The following MMD2 variants were observed in gnomAD, a reference collection of about 807,000 sequenced individuals.
The protein encoded by MMD2 is monocyte to macrophage differentiation associated 2, also known as monocyte to macrophage differentiation factor 2.
Under a neutral mutation model 33.5 loss-of-function variants are expected in MMD2, and 30 were observed. That is an observed-to-expected ratio of 0.90 (90% CI 0.67 to 1.22). The LOEUF (loss-of-function observed/expected upper bound fraction) is 1.22, where lower values mean the gene tolerates loss of function less well. MMD2 is among the 50% of genes most tolerant of loss of function. The probability of loss-of-function intolerance (pLI) is 0.00; values close to 1 mark genes in which losing one functional copy is unlikely to be tolerated. For missense variants in MMD2, 364 were observed against 325.4 expected, an observed-to-expected ratio of 1.12 and a Z score of -0.91; for synonymous variants, 129 against 123.0, an observed-to-expected ratio of 1.05 and a Z score of -0.32.
Position 4,909,878 on chromosome 7 carries a change from TACC to T in MMD2, c.537_537+2del, listed in dbSNP as rs1562475433. ...TCATCTATGCAGGGCTGGCAGCACT[TACC>T]ATGGAGAGGATGACCAGGGCGGGGA... On this transcript the variant is annotated splice_donor_variant and coding_sequence_variant, in exon 6 of 7. Coordinates refer to ENST00000401401, the MANE Select transcript of MMD2 (RefSeq NM_198403.4). LOFTEE classifies it high-confidence loss of function. The T allele has an allele frequency of 1.2e-6, 2 of 1,611,416 alleles. No individual in the cohort carries two copies. The highest frequency in any genetic ancestry group is 2.7e-5 in the African/African-American group (2 of 74,964).
intron 1 of MMD2, among the ~76,000 whole-genome samples, chr7:4,950,287 G>A (rs1786205993): frequency 6.6e-6 from 1 of 151,964 alleles, no homozygotes; most frequent in Non-Finnish European, 1.5e-5. Context: ...TAGTAGAGAT[G>A]GGGTTTCTCC....
chr7:4,949,280 A>G (rs1221853741), intron 1 of MMD2, among the ~76,000 whole-genome samples: 1 of 151,960 alleles, frequency 6.6e-6, no homozygotes. Context: ...TCTTATTCAT[A>G]CTAACTATTT....
chr7:4,926,771 G>A (rs1785439506), intron 1 of MMD2, among the ~76,000 whole-genome samples: 1 of 151,712 alleles, frequency 6.6e-6, no homozygotes, highest in Non-Finnish European at 1.5e-5. Context: ...TTGAGACGGA[G>A]TCGTGCTCTG....
chr7:4,927,338 A>G (rs1276956565), intron 1 of MMD2, among the ~76,000 whole-genome samples: 6 of 152,024 alleles, frequency 3.9e-5, no homozygotes, highest in Admixed American at 3.9e-4. Flanking sequence ...TTAGGCCAGG[A>G]GTTCGAGACC....
At chr7:4,931,538 G>C (rs372957824) in intron 1 of MMD2, among the ~76,000 whole-genome samples, 111 of 152,058 alleles carry the variant, frequency 7.3e-4, no homozygotes, top group African/African-American at 2.4e-3. Context: ...CTGCAAGCTT[G>C]AACTCCTGGG....
At chr7:4,941,064 G>C (rs892733179) in intron 1 of MMD2, among the ~76,000 whole-genome samples, 97 of 152,294 alleles carry the variant, frequency 6.4e-4, no homozygotes, top group African/African-American at 2.1e-3. Context: ...GCTGTGAGTG[G>C]GGTTAGGAGG....
At chr7:4,911,410 A>C (rs1241736955) in intron 4 of MMD2, among the ~76,000 whole-genome samples, 164 bp from the exon 5 acceptor site, 2 of 152,182 alleles carry the variant, frequency 1.3e-5, no homozygotes, top group African/African-American at 4.8e-5. Context: ...AACAGGCAGA[A>C]AGGGTGCTAG....
intron 6 of MMD2, 32 bp downstream of exon 6, chr7:4,909,849 G>T: frequency 6.3e-7 from 1 of 1,593,176 alleles, no homozygotes; most frequent in Non-Finnish European, 8.5e-7. Context: ...TCTCTTGCAG[G>T]GACTCATCTA....
At chr7:4,945,459 G>C (rs1056557792) in intron 1 of MMD2, among the ~76,000 whole-genome samples, 3 of 151,224 alleles carry the variant, frequency 2.0e-5, no homozygotes, top group African/African-American at 4.9e-5. Flanking sequence ...GTAGCGACGG[G>C]GTTTCACCAT....
the MMD2 span, among the ~76,000 whole-genome samples, chr7:4,892,617 A>AATAAATAAATAAATAAATCT: frequency 6.8e-4 from 101 of 149,254 alleles, no homozygotes; most frequent in African/African-American, 2.5e-3. Context: ...TAAATAAATA[A>AATAAATAAATAAATAAATCT]ATCTGAAAAA....
rs1357531312 is a variant in MMD2, at chr7:4,906,890, G to C, written c.*506C>G. On this transcript the variant is annotated 3_prime_UTR_variant, in exon 7 of 7. Transcript: ENST00000401401. ...CATCACCCATGTGCTGCACTTGATT[G>C]GTGATGTCTGCCATGGTCACAGCCA... The C allele has an allele frequency of 4.0e-6, 1 of 252,100 alleles. No homozygotes were observed. The highest frequency in any genetic ancestry group is 7.5e-5 in the East Asian group (1 of 13,422). 15.6% of individuals were successfully genotyped at this position (252,100 alleles called of 1,614,324 possible).
the MMD2 span, among the ~76,000 whole-genome samples, chr7:4,896,848 C>CTCTGT: frequency 2.0e-5 from 3 of 151,614 alleles, no homozygotes; most frequent in Admixed American, 1.3e-4. Context: ...CTTTATTTTT[C>CTCTGT]TCTATTCTTT....
chr7:4,929,856 C>T (rs565003645), intron 1 of MMD2, among the ~76,000 whole-genome samples: 13 of 152,134 alleles, frequency 8.5e-5, no homozygotes, highest in South Asian at 6.2e-4. Flanking sequence ...GTAATAACAA[C>T]GAAAATAGTG....
At chr7:4,893,158 T>C in the MMD2 span, among the ~76,000 whole-genome samples, 3 of 152,010 alleles carry the variant, frequency 2.0e-5, no homozygotes, top group Admixed American at 2.0e-4. Flanking sequence ...AGCAGGACCC[T>C]TGCAGCTGCC....
chr7:4,958,835 C>T (rs559848189), intron 1 of MMD2, 136 bp downstream of exon 1: 1 of 751,962 alleles, frequency 1.3e-6, no homozygotes. Context: ...CTGGTTTTCT[C>T]GGGCGGGGGT....
chr7:4,905,003 A>C (rs1784843067), downstream of MMD2, among the ~76,000 whole-genome samples: 1 of 152,178 alleles, frequency 6.6e-6, no homozygotes, highest in African/African-American at 2.4e-5. This position sits in a 1 kb window ranked among gnomAD's most constrained non-coding sequence, Gnocchi z 5.0. Context: ...GAGTAGGAGT[A>C]AGTTGCATGG....
At chr7:4,943,300 C>T (rs1468198478) in intron 1 of MMD2, among the ~76,000 whole-genome samples, 2 of 151,980 alleles carry the variant, frequency 1.3e-5, no homozygotes, top group South Asian at 2.1e-4. Flanking sequence ...TGAGCCACCG[C>T]GCCTGGCCTT....
At chr7:4,956,417 C>A (rs1284810169) in intron 1 of MMD2, among the ~76,000 whole-genome samples, 1 of 150,706 alleles carries the variant, frequency 6.6e-6, no homozygotes, top group Non-Finnish European at 1.5e-5. Flanking sequence ...TAGAGTAGAT[C>A]CTATCTTTAA....
At chr7:4,942,144 G>A (rs1378110709) in intron 1 of MMD2, among the ~76,000 whole-genome samples, 5 of 152,150 alleles carry the variant, frequency 3.3e-5, no homozygotes, top group South Asian at 2.1e-4. Context: ...AGTAGAGACA[G>A]TGTTTTGCCA....
Sources: allele counts gnomAD v4.1 joint callset (sites outside exome capture counted in the v4.1 genomes callset), GRCh38; gene constraint gnomAD v4.1.1; non-coding constraint Gnocchi (gnomAD v3.1); transcripts MANE v1.5; gene names NCBI Gene and HGNC (gene_info 2026-07-23, HGNC 2026-07-21).